RILP: variants seen among roughly 807,000 people sequenced by gnomAD.
RILP encodes rab-interacting lysosomal protein.
RILP carries 53 observed loss-of-function variants against 40.0 expected under a neutral mutation model. The ratio of observed to expected loss-of-function variants is 1.32; its 90% CI spans 1.06 to 1.66. RILP has a LOEUF of 1.66. RILP is among the 40% of genes most tolerant of loss of function. The pLI is 0.00. For synonymous variants in RILP, 272 were observed against 250.6 expected (o/e 1.09, Z -0.80); for missense variants, 626 against 551.7 (o/e 1.13, Z -1.35).
At position 1,649,167 on chromosome 17, in the gene RILP, C is replaced by T. The variant is rs1910805150; in HGVS notation, c.429+33G>A. The T allele has an allele frequency of 1.6e-6, 2 of 1,249,868 alleles. No homozygotes were observed. Among genetic ancestry groups the T allele is most frequent in the Non-Finnish European group, 1.0e-6 (1 of 977,128 alleles). 77.4% of individuals were successfully genotyped at this position (1,249,868 alleles called of 1,614,324 possible). ...GCCCAGCGCCTGCCACGCTCCGCCC[C>T]CGCCCCGCCCCAGAGCCCCGCCCCG... On this transcript the variant is annotated intron_variant, in intron 3 of 7. Coordinates refer to ENST00000301336, the MANE Select transcript of RILP (RefSeq NM_031430.3). The surrounding 1 kb of genome is among the most constrained non-coding windows in gnomAD (Gnocchi z 4.3).
chr17:1,649,623 G>T lies in RILP; in HGVS notation c.182C>A (p.Ala61Glu). The stretch of plus-strand genomic sequence containing the variant: ...GGCAGCCTGTTCCAAGAGCTCCAGC[G>T]CCCGCACCACTAGCGGCACCAGCCC... The part of the protein sequence containing the change: ...AAGLVPLVVR[A>E]LELLEQAAVG... Residue 61 changes from alanine to glutamate, a missense_variant, in exon 1 of 8, where the codon GCG (alanine) becomes GAG (glutamate). Transcript: ENST00000301336. The surrounding 1 kb of genome is among the most constrained non-coding windows in gnomAD (Gnocchi z 4.3). 4 of 1,581,802 alleles carry T rather than the reference G, an allele frequency of 2.5e-6. No individual in the cohort carries two copies. Among genetic ancestry groups the T allele is most frequent in the Non-Finnish European group, 3.4e-6 (4 of 1,172,040 alleles).
chr17:1,646,531 C>A lies in RILP; in HGVS notation c.1117G>T (p.Ala373Ser), dbSNP rs771536892. 1 of 1,613,564 alleles carries A rather than the reference C, an allele frequency of 6.2e-7. No individual in the cohort carries two copies. Among genetic ancestry groups the A allele is most frequent in the South Asian group, 1.1e-5 (1 of 90,976 alleles). The change falls in exon 8 of 8, where the codon GCC becomes TCC. Residue 373 changes from alanine to serine, a missense_variant. Ala to Ser is a moderately conservative substitution (Grantham distance 99). Coordinates refer to ENST00000301336, the MANE Select transcript of RILP (RefSeq NM_031430.3). This position sits in a 1 kb window ranked among gnomAD's most constrained non-coding sequence, Gnocchi z 4.3. ...APSKLGGEEE[A>S]QPQSPAPDPP... ...TCAGGAGCTGGAGACTGTGGTTGGG[C>A]CTCCTCTTCTCCCCCTAGCTTGCTG...
intron 6 of RILP, 42 bp from the exon 7 acceptor site, chr17:1,647,031 G>T: frequency 7.3e-7 from 1 of 1,371,578 alleles, no homozygotes; most frequent in Non-Finnish European, 1.0e-6. Context: ...CATTGATCAA[G>T]GCCCTGAGGG....
chr17:1,648,243 T>C lies in RILP; in HGVS notation c.821+107A>G, dbSNP rs1000532766. On this transcript the variant is annotated intron_variant, in intron 5 of 7. Transcript: ENST00000301336. The surrounding 1 kb of genome is among the most constrained non-coding windows in gnomAD (Gnocchi z 4.9). ...GAGGGCAAGGGCTGTACAATTCATGTCCTCCCAGTTCCCAGCGCAGGCCTG... is the reference window on the plus strand; with the variant it reads ...GAGGGCAAGGGCTGTACAATTCATGCCCTCCCAGTTCCCAGCGCAGGCCTG... The C allele has an allele frequency of 5.0e-6, 7 of 1,390,050 alleles. No homozygotes were observed. Among genetic ancestry groups the C allele is most frequent in the East Asian group, 4.8e-5 (2 of 41,246 alleles). 86.1% of individuals were successfully genotyped at this position (1,390,050 alleles called of 1,614,324 possible). A position where few individuals can be genotyped will look rare whatever the true frequency, so the allele number is the denominator to read the frequency against.
Position 1,647,079 on chromosome 17 carries a change from G to C in RILP, c.945-90C>G, listed in dbSNP as rs200611585. ...CAGCAGGGGGGATGGAGGGACTGCAGGGCCCCCGGGGCTGGAGAGAAGGCA... is the reference window on the plus strand; with the variant it reads ...CAGCAGGGGGGATGGAGGGACTGCACGGCCCCCGGGGCTGGAGAGAAGGCA... On this transcript the variant is annotated intron_variant, in intron 6 of 7. Coordinates refer to ENST00000301336, the MANE Select transcript of RILP (RefSeq NM_031430.3). 3.9e-6 allele frequency: 3 copies of C among 762,070 alleles called. No homozygotes were observed. In the East Asian group the frequency reaches 8.8e-5, roughly 22 times the overall value. The allele number at this position is 762,070 out of a possible 1,614,324, so 47.2% of individuals were successfully genotyped here. A position where few individuals can be genotyped will look rare whatever the true frequency, so the allele number is the denominator to read the frequency against.
In RILP at chr17:1,648,673, A is replaced by G; in HGVS notation, c.675+126T>C. 7.1e-7 allele frequency: 1 copy of G among 1,408,516 alleles called. No individual in the cohort carries two copies. The highest frequency in any genetic ancestry group is 9.3e-7 in the Non-Finnish European group (1 of 1,073,718). The allele number at this position is 1,408,516 out of a possible 1,614,324, so 87.3% of individuals were successfully genotyped here. A position where few individuals can be genotyped will look rare whatever the true frequency, so the allele number is the denominator to read the frequency against. ...GGGGGCCGAGGCCGGCCGGGGGCGCAGATCTGTCTGCCACCTCCCCGCTTC... is the reference window on the plus strand; with the variant it reads ...GGGGGCCGAGGCCGGCCGGGGGCGCGGATCTGTCTGCCACCTCCCCGCTTC... On this transcript the variant is annotated intron_variant, in intron 4 of 7. Coordinates refer to ENST00000301336, the MANE Select transcript of RILP (RefSeq NM_031430.3). This position sits in a 1 kb window ranked among gnomAD's most constrained non-coding sequence, Gnocchi z 4.9.
chr17:1,649,836 C>A lies in RILP; in HGVS notation c.-32G>T, dbSNP rs369668901. ...CAGAGGCTTAGGGCTGCGACCCCCC[C>A]ACCCCACCCTCCACTGGGACGGGGA... On this transcript the variant is annotated 5_prime_UTR_variant, in exon 1 of 8. Coordinates refer to ENST00000301336, the MANE Select transcript of RILP (RefSeq NM_031430.3). The surrounding 1 kb of genome is among the most constrained non-coding windows in gnomAD (Gnocchi z 4.3). The A allele has an allele frequency of 6.8e-7, 1 of 1,475,072 alleles. No homozygotes were observed. Among genetic ancestry groups the A allele is most frequent in the Non-Finnish European group, 9.1e-7 (1 of 1,104,770 alleles). 91.4% of individuals were successfully genotyped at this position (1,475,072 alleles called of 1,614,324 possible).
chr17:1,647,058 A>G, intron 6 of RILP, 69 bp from the exon 7 acceptor site: 1 of 1,098,454 alleles, frequency 9.1e-7, no homozygotes. Flanking sequence ...GGAATCCAGC[A>G]GGGGGGATGG....
Position 1,646,273 on chromosome 17 carries a change from A to G in RILP, c.*169T>C. 3.7e-6 allele frequency: 2 copies of G among 542,104 alleles called. No homozygotes were observed. Among genetic ancestry groups the G allele is most frequent in the South Asian group, 3.3e-5 (1 of 30,594 alleles). The allele number at this position is 542,104 out of a possible 1,614,324, so 33.6% of individuals were successfully genotyped here. ...AACTGAGACTCAGAGAGGCACTCTT[A>G]TATCTGGCCCCAGAGGCTCGGTACA... On this transcript the variant is annotated 3_prime_UTR_variant, in exon 8 of 8. Coordinates refer to ENST00000301336, the MANE Select transcript of RILP (RefSeq NM_031430.3). This position sits in a 1 kb window ranked among gnomAD's most constrained non-coding sequence, Gnocchi z 4.3.
chr17:1,649,380 A>C lies in RILP; in HGVS notation c.322+32T>G, dbSNP rs1433884469. 8 of 1,493,562 alleles carry C rather than the reference A, an allele frequency of 5.4e-6. No homozygotes were observed. The African/African-American group carries it at 1.0e-4, about 19-fold the overall frequency. The allele number at this position is 1,493,562 out of a possible 1,614,324, so 92.5% of individuals were successfully genotyped here. A position where few individuals can be genotyped will look rare whatever the true frequency, so the allele number is the denominator to read the frequency against. ...GAGGGGAGGACCCGAGCAGGTCGTC[A>C]CCCGCCCTGCCCTGGCCGGGGCTGC... On this transcript the variant is annotated intron_variant, in intron 2 of 7. Coordinates refer to ENST00000301336, the MANE Select transcript of RILP (RefSeq NM_031430.3). The surrounding 1 kb of genome is among the most constrained non-coding windows in gnomAD (Gnocchi z 4.3).
chr17:1,649,644 A>C lies in RILP; in HGVS notation c.161T>G (p.Leu54Arg). The C allele has an allele frequency of 6.3e-7, 1 of 1,586,872 alleles. No individual in the cohort carries two copies. Among genetic ancestry groups the C allele is most frequent in the Non-Finnish European group, 8.5e-7 (1 of 1,174,402 alleles). ...CAGCGCCCGCACCACTAGCGGCACC[A>C]GCCCGGCCGCCGCCTCCGGCCCGAA... is the stretch of plus-strand genomic sequence containing the variant. Reference protein sequence around the residue: ...RRFGPEAAAGLVPLVVRALEL... With the variant: ...RRFGPEAAAGRVPLVVRALEL... Residue 54 changes from leucine (L) to arginine (R), a missense_variant, in exon 1 of 8, where the codon CTG becomes CGG. Transcript: ENST00000301336. This position sits in a 1 kb window ranked among gnomAD's most constrained non-coding sequence, Gnocchi z 4.3.
At chr17:1,647,034 C>T (rs1397434610) in intron 6 of RILP, 45 bp from the exon 7 acceptor site, 1 of 1,366,700 alleles carries the variant, frequency 7.3e-7, no homozygotes. Flanking sequence ...TGATCAAGGC[C>T]CTGAGGGACA....
In RILP at chr17:1,649,775, C is replaced by A; in HGVS notation, c.30G>T (p.Val10=). Residue 10 remains valine, a synonymous_variant, in exon 1 of 8, where the codon GTG becomes GTT. Coordinates refer to ENST00000301336, the MANE Select transcript of RILP (RefSeq NM_031430.3). The surrounding 1 kb of genome is among the most constrained non-coding windows in gnomAD (Gnocchi z 4.3). The part of the protein sequence containing the change: MEPRRAAPG[V]PGWGSREAAG... The stretch of plus-strand genomic sequence containing the variant: ...CGGCCTCCCGAGACCCCCAGCCAGG[C>A]ACCCCGGGCGCCGCCCTCCTGGGCT... The A allele has an allele frequency of 6.4e-7, 1 of 1,565,014 alleles. No individual in the cohort carries two copies. The highest frequency in any genetic ancestry group is 8.6e-7 in the Non-Finnish European group (1 of 1,162,502).
chr17:1,648,846 C>A lies in RILP; in HGVS notation c.628G>T (p.Glu210Ter). 2 of 1,541,216 alleles carry A rather than the reference C, an allele frequency of 1.3e-6. No individual in the cohort carries two copies. Among genetic ancestry groups the A allele is most frequent in the South Asian group, 1.2e-5 (1 of 84,274 alleles). ...RPGHQHGQEP[E>*]WATAGAGAPG... ...GCGCCTGCGCCGGCGGTCGCCCATT[C>A]GGGCTCCTGTCCGTGCTGGTGCCCG... is the stretch of plus-strand genomic sequence containing the variant. Residue 210 changes from glutamate (E) to a stop codon, truncating the protein, a stop_gained, in exon 4 of 8, where the codon GAA (glutamate) becomes TAA (stop). Coordinates refer to ENST00000301336, the MANE Select transcript of RILP (RefSeq NM_031430.3). LOFTEE classifies it high-confidence loss of function. This position sits in a 1 kb window ranked among gnomAD's most constrained non-coding sequence, Gnocchi z 4.9.
chr17:1,646,781 G>C lies in RILP; in HGVS notation c.1028+125C>G. 5 of 1,042,264 alleles carry C rather than the reference G, an allele frequency of 4.8e-6. No individual in the cohort carries two copies. The highest frequency in any genetic ancestry group is 5.1e-5 in the East Asian group (2 of 38,984). 64.6% of individuals were successfully genotyped at this position (1,042,264 alleles called of 1,614,324 possible). ...CAGGGCCAGAGAAGCAGGAGGGGAC[G>C]GTGTGCTTAGAGCCAAGCACAGCAG... On this transcript the variant is annotated intron_variant, in intron 7 of 7. Coordinates refer to ENST00000301336, the MANE Select transcript of RILP (RefSeq NM_031430.3). This position sits in a 1 kb window ranked among gnomAD's most constrained non-coding sequence, Gnocchi z 4.3.
In RILP at chr17:1,647,905, C is replaced by A. The variant is rs1198596134; in HGVS notation, c.874G>T (p.Val292Leu). 2 of 1,559,228 alleles carry A rather than the reference C, an allele frequency of 1.3e-6. No individual in the cohort carries two copies. The highest frequency in any genetic ancestry group is 1.8e-6 in the Non-Finnish European group (2 of 1,130,152). Residue 292 changes from valine (V) to leucine (L), a missense_variant, in exon 6 of 8, where the codon GTG becomes TTG. Coordinates refer to ENST00000301336, the MANE Select transcript of RILP (RefSeq NM_031430.3). ...TTCTTCCGCTGCTTCCGGACAGCCA[C>A]CTTCATGGCCTCGAGCAGAAGGCCG... The part of the protein sequence containing the change: ...VPGLLLEAMK[V>L]AVRKQRKKIK...
In RILP at chr17:1,646,709, G is replaced by C. The variant is rs552744925; in HGVS notation, c.1029-90C>G. 3.6e-6 allele frequency: 5 copies of C among 1,373,734 alleles called. No homozygotes were observed. The South Asian group carries it at 5.5e-5, about 15-fold the overall frequency. The allele number at this position is 1,373,734 out of a possible 1,614,324, so 85.1% of individuals were successfully genotyped here. A position where few individuals can be genotyped will look rare whatever the true frequency, so the allele number is the denominator to read the frequency against. On this transcript the variant is annotated intron_variant, in intron 7 of 7. Transcript: ENST00000301336. This position sits in a 1 kb window ranked among gnomAD's most constrained non-coding sequence, Gnocchi z 4.3. ...GGCAGGGGATGGTGAGAAAAGGGGA[G>C]AGGGGGAAGAAAGGGCAGCCTGAGG...
At position 1,648,847 on chromosome 17, in the gene RILP, G is replaced by A; in HGVS notation, c.627C>T (p.Pro209=). ...CGCCTGCGCCGGCGGTCGCCCATTC[G>A]GGCTCCTGTCCGTGCTGGTGCCCGG... ...GRPGHQHGQE[P]EWATAGAGAP... The change falls in exon 4 of 8, where the codon CCC becomes CCT. Residue 209 remains proline, a synonymous_variant. Coordinates refer to ENST00000301336, the MANE Select transcript of RILP (RefSeq NM_031430.3). The surrounding 1 kb of genome is among the most constrained non-coding windows in gnomAD (Gnocchi z 4.9). 1 of 1,541,858 alleles carries A rather than the reference G, an allele frequency of 6.5e-7. No homozygotes were observed. The highest frequency in any genetic ancestry group is 8.7e-7 in the Non-Finnish European group (1 of 1,153,968).
Position 1,646,426 on chromosome 17 carries a change from C to T in RILP, c.*16G>A. On this transcript the variant is annotated 3_prime_UTR_variant, in exon 8 of 8. Transcript: ENST00000301336. The surrounding 1 kb of genome is among the most constrained non-coding windows in gnomAD (Gnocchi z 4.3). ...TCATTTGAGGCCACACATCCTTCCA[C>T]AGCCAGACCCCTAAGTCAGGCCTCT... 1.3e-6 allele frequency: 2 copies of T among 1,543,776 alleles called. No homozygotes were observed. Among genetic ancestry groups the T allele is most frequent in the African/African-American group, 1.4e-5 (1 of 72,614 alleles).
Sources: allele counts gnomAD v4.1 joint callset, GRCh38; gene constraint gnomAD v4.1.1; non-coding constraint Gnocchi (gnomAD v3.1); transcripts MANE v1.5; gene names NCBI Gene and HGNC (gene_info 2026-07-23, HGNC 2026-07-21).